Variants in VTI1A observed in about 807,000 individuals in gnomAD.
The protein encoded by VTI1A is vesicle transport through interaction with t-SNAREs homolog 1A.
Under a neutral mutation model 34.9 loss-of-function variants are expected in VTI1A, and 22 were observed. The ratio of observed to expected loss-of-function variants is 0.63; its 90% CI spans 0.45 to 0.90. The LOEUF is 0.90. VTI1A is among the 40% of genes least tolerant of loss of function. The probability of loss-of-function intolerance (pLI) is 0.00; values close to 1 mark genes in which losing one functional copy is unlikely to be tolerated. For synonymous variants in VTI1A, 87 were observed against 97.3 expected (o/e 0.89, Z 0.62); for missense variants, 268 against 275.6 (o/e 0.97, Z 0.20).
At chr10:112,501,659 C>A (rs1173832539) in intron 3 of VTI1A, among the ~76,000 whole-genome samples, 1 of 148,776 alleles carries the variant, frequency 6.7e-6, no homozygotes. Flanking sequence ...CCCAACCCCC[C>A]ACCCCCACCT....
At chr10:112,480,999 G>A (rs1848443819) in intron 3 of VTI1A, among the ~76,000 whole-genome samples, 1 of 152,142 alleles carries the variant, frequency 6.6e-6, no homozygotes, top group African/African-American at 2.4e-5. Context: ...TGGTTAAGTT[G>A]AGCAGCTCAG....
chr10:112,762,309 G>C (rs148923200), intron 7 of VTI1A, among the ~76,000 whole-genome samples: 1 of 152,270 alleles, frequency 6.6e-6, no homozygotes, highest in African/African-American at 2.4e-5. Flanking sequence ...AACAAAAAAA[G>C]TGAAATCAGG....
At chr10:112,824,710 CG>C in the VTI1A span, 1 of 152,300 alleles carries the variant, frequency 6.6e-6, no homozygotes, top group Non-Finnish European at 1.5e-5. Flanking sequence ...CCTCGGGTCT[CG>C]GGGCTCTAGG....
intron 7 of VTI1A, among the ~76,000 whole-genome samples, chr10:112,682,324 T>TG (rs1262621278): frequency 1.1e-4 from 16 of 152,228 alleles, no homozygotes; most frequent in Admixed American, 1.0e-3. Flanking sequence ...GAGTTTGATG[T>TG]GGGCACCTCT....
At chr10:112,663,726 T>A (rs1323526398) in intron 5 of VTI1A, among the ~76,000 whole-genome samples, 2 of 152,114 alleles carry the variant, frequency 1.3e-5, no homozygotes, top group African/African-American at 4.8e-5. Flanking sequence ...CACTCCATGA[T>A]CAGATCCCTC....
intron 7 of VTI1A, among the ~76,000 whole-genome samples, chr10:112,770,786 C>T (rs997805419): frequency 6.6e-6 from 1 of 152,044 alleles, no homozygotes; most frequent in Non-Finnish European, 1.5e-5. Context: ...GTAGAAATAT[C>T]TCCTTAAAAC....
intron 3 of VTI1A, among the ~76,000 whole-genome samples, chr10:112,474,201 A>G (rs1848200546): frequency 6.6e-6 from 1 of 151,892 alleles, no homozygotes; most frequent in African/African-American, 2.4e-5. Context: ...AGCTGGGACC[A>G]CAGGTGCCCG....
Position 112,608,908 on chromosome 10 carries a change from T to A in VTI1A, c.428-59310T>A, listed in dbSNP as rs1208938691. Among the ~76,000 whole-genome samples the A allele has an allele frequency of 2.0e-5, 3 of 152,320 alleles. No homozygotes were observed. The East Asian group carries it at 5.8e-4, about 29-fold the overall frequency. On this transcript the variant is annotated intron_variant, in intron 5 of 7. Transcript: ENST00000393077. The stretch of plus-strand genomic sequence containing the variant: ...CACTTCTTTAGTATCTTAATTAGCA[T>A]GTGTCTGTTCCTGTAGCTATCATGA...
chr10:112,714,719 G>A (rs1364194964), intron 7 of VTI1A, among the ~76,000 whole-genome samples: 1 of 152,160 alleles, frequency 6.6e-6, no homozygotes, highest in Non-Finnish European at 1.5e-5. Flanking sequence ...TAACTCAGAT[G>A]GGTGCCCAGG....
chr10:112,763,920 G>A (rs946366425), intron 7 of VTI1A, among the ~76,000 whole-genome samples: 4 of 152,072 alleles, frequency 2.6e-5, no homozygotes, highest in Non-Finnish European at 4.4e-5. Flanking sequence ...GATCTCAATC[G>A]GTTTATCTGT....
At chr10:112,537,264 C>T (rs557534461) in intron 4 of VTI1A, among the ~76,000 whole-genome samples, 5 of 139,214 alleles carry the variant, frequency 3.6e-5, no homozygotes, top group African/African-American at 7.8e-5. Context: ...TACACACACA[C>T]GCACACACAC....
chr10:112,540,203 C>A (rs1850813667), intron 5 of VTI1A, among the ~76,000 whole-genome samples: 1 of 152,134 alleles, frequency 6.6e-6, no homozygotes, highest in African/African-American at 2.4e-5. Context: ...TACCAAAAGA[C>A]TGTGTTTTGA....
At chr10:112,601,553 AG>A (rs1379933625) in intron 5 of VTI1A, among the ~76,000 whole-genome samples, 2 of 151,954 alleles carry the variant, frequency 1.3e-5, no homozygotes, top group African/African-American at 4.8e-5. Context: ...TGTGGTATGC[AG>A]TCACTTTTCT....
intron 7 of VTI1A, among the ~76,000 whole-genome samples, chr10:112,722,439 A>G (rs929797672): frequency 3.9e-5 from 6 of 152,180 alleles, no homozygotes; most frequent in Non-Finnish European, 8.8e-5. Flanking sequence ...CAGCACACCA[A>G]CATGGCACAT....
chr10:112,621,355 G>A (rs1477371078), intron 5 of VTI1A, among the ~76,000 whole-genome samples: 9 of 152,004 alleles, frequency 5.9e-5, no homozygotes, highest in African/African-American at 1.9e-4. Context: ...CAATGTATTT[G>A]GTCACAGACC....
intron 3 of VTI1A, among the ~76,000 whole-genome samples, chr10:112,509,267 A>T (rs957255643): frequency 6.6e-6 from 1 of 152,218 alleles, no homozygotes; most frequent in African/African-American, 2.4e-5. Context: ...ATCACCGCTT[A>T]AAAGACAAAG....
At chr10:112,477,526 C>T (rs1402514613) in intron 3 of VTI1A, among the ~76,000 whole-genome samples, 1 of 152,186 alleles carries the variant, frequency 6.6e-6, no homozygotes, top group Non-Finnish European at 1.5e-5. Flanking sequence ...AACAAGTTAC[C>T]ACTGTCTTGG....
chr10:112,696,013 A>G (rs1435956013), intron 7 of VTI1A, among the ~76,000 whole-genome samples: 1 of 152,062 alleles, frequency 6.6e-6, no homozygotes, highest in Non-Finnish European at 1.5e-5. Context: ...TTACAAAAAG[A>G]GCTTTCCTTT....
At chr10:112,803,919 T>G (rs972865572) in intron 7 of VTI1A, among the ~76,000 whole-genome samples, 1 of 152,198 alleles carries the variant, frequency 6.6e-6, no homozygotes, top group African/African-American at 2.4e-5. Context: ...GCCCTTTGAT[T>G]GAAGTGAGCT....
Sources: allele counts gnomAD v4.1 joint callset (sites outside exome capture counted in the v4.1 genomes callset), GRCh38; gene constraint gnomAD v4.1.1; transcripts MANE v1.5; gene names NCBI Gene and HGNC (gene_info 2026-07-23, HGNC 2026-07-21).